GALNS: variants seen among roughly 807,000 people sequenced by gnomAD.
GALNS encodes galactosamine (N-acetyl)-6-sulfatase.
GALNS carries 65 observed loss-of-function variants against 65.9 expected under a neutral mutation model. That is an observed-to-expected ratio of 0.99 (90% confidence interval 0.81 to 1.21). The LOEUF is 1.21. GALNS is among the 50% of genes most tolerant of loss of function. The pLI is 0.00. For missense variants in GALNS, 776 were observed against 700.7 expected (o/e 1.11, Z -1.21); for synonymous variants, 346 against 288.9 (o/e 1.20, Z -2.00).
At chr16:88,846,977 T>C (rs1398280224) in intron 1 of GALNS, among the ~76,000 whole-genome samples, 1 of 152,122 alleles carries the variant, frequency 6.6e-6, no homozygotes, top group Non-Finnish European at 1.5e-5. Context: ...CACCTGGTTG[T>C]GTGGACACCT....
chr16:88,838,337 C>G (rs1912359116), intron 4 of GALNS, among the ~76,000 whole-genome samples: 5 of 152,184 alleles, frequency 3.3e-5, no homozygotes, highest in Admixed American at 3.3e-4. Context: ...CAGCTGTACC[C>G]ACATCCCCAG....
chr16:88,843,188 A>G, intron 1 of GALNS: 1 of 1,358,452 alleles, frequency 7.4e-7, no homozygotes, highest in Non-Finnish European at 9.7e-7. Flanking sequence ...GCTGGCCTCT[A>G]AACACGTGCA....
Position 88,856,904 on chromosome 16 carries a change from G to T in GALNS, c.-27C>A, listed in dbSNP as rs1194057254. Reference sequence around the variant, plus strand: ...GCAACCACGGGAGCCGCGGAGCCCCGGCCAGCGAGCCGACCTAGCGAGCGT... The same window carrying T: ...GCAACCACGGGAGCCGCGGAGCCCCTGCCAGCGAGCCGACCTAGCGAGCGT... On this transcript the variant is annotated 5_prime_UTR_variant, in exon 1 of 14. Transcript: ENST00000268695. 11 of 1,499,028 alleles carry T rather than the reference G, an allele frequency of 7.3e-6. No homozygotes were observed. Among genetic ancestry groups the T allele is most frequent in the Non-Finnish European group, 9.7e-6 (11 of 1,132,514 alleles). The allele number at this position is 1,499,028 out of a possible 1,614,324, so 92.9% of individuals were successfully genotyped here. A position where few individuals can be genotyped will look rare whatever the true frequency, so the allele number is the denominator to read the frequency against.
At chr16:88,840,895 CCCT>C (rs1966933409) in intron 4 of GALNS, 94 bp downstream of exon 4, 14 of 952,042 alleles carry the variant, frequency 1.5e-5, no homozygotes, top group Non-Finnish European at 2.1e-5. Flanking sequence ...ACCCAAGACA[CCCT>C]CCTCATTTGG....
chr16:88,839,992 G>A (rs1966893236), intron 4 of GALNS, among the ~76,000 whole-genome samples: 1 of 152,208 alleles, frequency 6.6e-6, no homozygotes, highest in African/African-American at 2.4e-5. Context: ...TGGCCCTCGG[G>A]GGCTGACTTC....
In GALNS at chr16:88,814,291, G is replaced by A; in HGVS notation, c.*148C>T. 1 of 1,076,380 alleles carries A rather than the reference G, an allele frequency of 9.3e-7. No individual in the cohort carries two copies. Among genetic ancestry groups the A allele is most frequent in the Admixed American group, 2.0e-5 (1 of 50,120 alleles). The allele number at this position is 1,076,380 out of a possible 1,614,324, so 66.7% of individuals were successfully genotyped here. On this transcript the variant is annotated 3_prime_UTR_variant, in exon 14 of 14. Transcript: ENST00000268695. ...CACGCCAGGGTCAGGTCCTGGGCAG[G>A]TGGAATTGTGCAGTCCCCCTGCGTC...
At chr16:88,836,732 C>T (rs1354225492) in intron 5 of GALNS, among the ~76,000 whole-genome samples, 2 of 152,204 alleles carry the variant, frequency 1.3e-5, no homozygotes, top group African/African-American at 2.4e-5. Context: ...CCCTCGCTCC[C>T]CCAGGGCACG....
intron 1 of GALNS, among the ~76,000 whole-genome samples, chr16:88,851,500 G>A (rs540175900): frequency 5.9e-5 from 9 of 152,270 alleles, no homozygotes; most frequent in Middle Eastern, 6.8e-3. Flanking sequence ...CATCCTACTG[G>A]GACTGGTTGG....
Position 88,824,834 on chromosome 16 carries a change from G to A in GALNS, c.1175C>T (p.Ala392Val), listed in dbSNP as rs398123430. Residue 392 changes from alanine to valine, a missense_variant, in exon 11 of 14, where the codon GCG becomes GTG. Coordinates refer to ENST00000268695, the MANE Select transcript of GALNS (RefSeq NM_000512.5). ...IFYYRGDTLM[A>V]ATLGQHKAHF... is the part of the protein sequence containing the mutation. ...AGCCTTGTGCTGCCCGAGGGTGGCC[G>A]CCATCAGCGTGTCGCCACGGTAATA... 15 of 1,613,262 alleles carry A rather than the reference G, an allele frequency of 9.3e-6. No homozygotes were observed. In the South Asian group the frequency reaches 1.2e-4, roughly 13 times the overall value.
intron 5 of GALNS, 50 bp downstream of exon 5, chr16:88,837,572 C>T (rs201662858): frequency 1.4e-5 from 22 of 1,595,700 alleles, no homozygotes; most frequent in East Asian, 6.7e-5. Flanking sequence ...GCAGGCACGC[C>T]GGGCACAGCA....
intron 9 of GALNS, among the ~76,000 whole-genome samples, chr16:88,830,817 C>G (rs957645724): frequency 6.6e-6 from 1 of 151,700 alleles, no homozygotes; most frequent in Non-Finnish European, 1.5e-5. Flanking sequence ...CCAACGGTCT[C>G]GTGTCGGGCT....
At chr16:88,842,909 G>T in intron 1 of GALNS, 80 bp from the exon 2 acceptor site, 1 of 1,577,826 alleles carries the variant, frequency 6.3e-7, no homozygotes, top group Admixed American at 1.8e-5. Context: ...ATGGTGCCAA[G>T]AGCGTGTCGG....
At chr16:88,836,368 G>A (rs1597570930) in intron 5 of GALNS, 101 bp from the exon 6 acceptor site, 1 of 983,950 alleles carries the variant, frequency 1.0e-6, no homozygotes, top group Non-Finnish European at 1.6e-6. Flanking sequence ...TTTAAAAGAA[G>A]GCTAGGGCTG....
chr16:88,824,333 G>A (rs946482471), intron 11 of GALNS, among the ~76,000 whole-genome samples: 2 of 152,086 alleles, frequency 1.3e-5, no homozygotes, highest in Non-Finnish European at 2.9e-5. Flanking sequence ...GGCCCTGTGC[G>A]TGTGGCGTTT....
chr16:88,837,778 A>AC lies in GALNS; in HGVS notation c.423-14dup. On this transcript the variant is annotated splice_polypyrimidine_tract_variant and intron_variant, in intron 4 of 13. Coordinates refer to ENST00000268695, the MANE Select transcript of GALNS (RefSeq NM_000512.5). ...GTGACCCAGATGCCTGGAAACAGGA[A>AC]CCCAGGACACTTCAGGGACCCCACG... is the stretch of plus-strand genomic sequence containing the variant. 2 of 1,613,628 alleles carry AC rather than the reference A, an allele frequency of 1.2e-6. No homozygotes were observed. The highest frequency in any genetic ancestry group is 1.1e-5 in the South Asian group (1 of 91,086).
chr16:88,816,999 G>A lies in GALNS; in HGVS notation c.1482+1008C>T, dbSNP rs545125917. 63 of 985,478 alleles carry A rather than the reference G, an allele frequency of 6.4e-5. 1 individual carries two copies. In the African/African-American group the frequency reaches 6.6e-4, roughly 10 times the overall value. The allele number at this position is 985,478 out of a possible 1,614,324, so 61.0% of individuals were successfully genotyped here. On this transcript the variant is annotated intron_variant, in intron 13 of 13. Transcript: ENST00000268695. ...CGGTGGGCTCTGGGCACCCAGGAGC[G>A]ACACCGCAGACCTGTGTGTGGCTCG...
chr16:88,832,036 C>G lies in GALNS; in HGVS notation c.964G>C (p.Ala322Pro), dbSNP rs1597559500. 6.2e-7 allele frequency: 1 copy of G among 1,613,830 alleles called. No homozygotes were observed. Among genetic ancestry groups the G allele is most frequent in the African/African-American group, 1.3e-5 (1 of 74,996 alleles). Residue 322 changes from alanine to proline, a missense_variant, in exon 9 of 14, where the codon GCC (alanine) becomes CCC (proline). Physicochemically the swap from Ala to Pro is conservative, Grantham distance 27. Coordinates refer to ENST00000268695, the MANE Select transcript of GALNS (RefSeq NM_000512.5). ...TTFEGGMREPALAWWPGHVTA... is the reference protein window; with the variant it reads ...TTFEGGMREPPLAWWPGHVTA... ...ACGTGCCCTGGCCACCATGCGAGGG[C>G]AGGCTCCCTCATCCCTCCTTCAAAC...
chr16:88,821,052 T>A (rs540819436), intron 12 of GALNS, among the ~76,000 whole-genome samples: 22 of 152,294 alleles, frequency 1.4e-4, no homozygotes, highest in African/African-American at 5.1e-4. Flanking sequence ...TTCACGGGTC[T>A]CACCCCCATG....
chr16:88,834,600 G>GC (rs1230062206), intron 8 of GALNS, among the ~76,000 whole-genome samples: 5 of 65,682 alleles, frequency 7.6e-5, no homozygotes, highest in Admixed American at 1.8e-4. Flanking sequence ...AGGCTGTAGG[G>GC]CCCCCCCCGT....
Sources: allele counts gnomAD v4.1 joint callset (sites outside exome capture counted in the v4.1 genomes callset), GRCh38; gene constraint gnomAD v4.1.1; transcripts MANE v1.5; gene names NCBI Gene and HGNC (gene_info 2026-07-23, HGNC 2026-07-21).